KIF14: variants seen among roughly 807,000 people sequenced by gnomAD.
KIF14 encodes kinesin family member 14, also known as kinesin-like protein KIF14.
In KIF14, 98 loss-of-function variants were observed where a neutral mutation model predicts 176.2. That is an observed-to-expected ratio of 0.56 (90% CI 0.47 to 0.66). The LOEUF (loss-of-function observed/expected upper bound fraction) is 0.66, where lower values mean the gene tolerates loss of function less well. KIF14 is among the 30% of genes least tolerant of loss of function. The pLI is 0.00. For missense variants in KIF14, 1,751 were observed against 1,920.4 expected (o/e 0.91, Z 1.65); for synonymous variants, 566 against 632.2 (o/e 0.90, Z 1.57).
At chr1:200,596,554 C>G (rs1448430459) in intron 14 of KIF14, among the ~76,000 whole-genome samples, 1 of 133,206 alleles carries the variant, frequency 7.5e-6, no homozygotes, top group Non-Finnish European at 1.6e-5. Context: ...CCTCAATGTA[C>G]AACAGTCTTT....
At chr1:200,571,881 A>G (rs1657808310) in intron 22 of KIF14, among the ~76,000 whole-genome samples, 1 of 152,228 alleles carries the variant, frequency 6.6e-6, no homozygotes, top group South Asian at 2.1e-4. Context: ...AATGCTTGTC[A>G]TATTCCTTTC....
intron 13 of KIF14, among the ~76,000 whole-genome samples, chr1:200,599,545 AC>A (rs1193262304): frequency 7.2e-5 from 11 of 152,180 alleles, no homozygotes; most frequent in Admixed American, 6.5e-4. Context: ...CTCCCCCACT[AC>A]CAATCACTTG....
In KIF14 at chr1:200,600,348, T is replaced by C. The variant is rs775261681; in HGVS notation, c.2300+8A>G. The C allele has an allele frequency of 6.2e-7, 1 of 1,612,576 alleles. No individual in the cohort carries two copies. Among genetic ancestry groups the C allele is most frequent in the Non-Finnish European group, 8.5e-7 (1 of 1,178,658 alleles). ...CACTTAACATTTAGAGTACTGACTGTACTCTACCTTTGCATTTCTGCCATG... is the reference window on the plus strand; with the variant it reads ...CACTTAACATTTAGAGTACTGACTGCACTCTACCTTTGCATTTCTGCCATG... On this transcript the variant is annotated splice_region_variant and intron_variant, in intron 12 of 29. Transcript: ENST00000367350.
chr1:200,565,241 T>C lies in KIF14; in HGVS notation c.3899A>G (p.Asp1300Gly). ...AATAGTAAGTGACTGGATTGCTCGA[T>C]CAGAAGAAAACACTTTGAAAGAAGA... ...EESQDNLFSS[D>G]RAIQSLTIQT... Residue 1300 changes from aspartate to glycine, a missense_variant, in exon 25 of 30, where the codon GAT becomes GGT. Transcript: ENST00000367350. The C allele has an allele frequency of 6.3e-7, 1 of 1,597,080 alleles. No homozygotes were observed. The highest frequency in any genetic ancestry group is 1.4e-5 in the African/African-American group (1 of 74,066).
chr1:200,581,812 G>A (rs1023940727), intron 19 of KIF14, among the ~76,000 whole-genome samples: 11 of 139,892 alleles, frequency 7.9e-5, no homozygotes, highest in Non-Finnish European at 1.7e-4. Flanking sequence ...GGTTGCCTAG[G>A]CTATATAGTA....
At chr1:200,604,005 A>G (rs1434022387) in intron 8 of KIF14, 50 bp from the exon 9 acceptor site, 1 of 1,116,480 alleles carries the variant, frequency 9.0e-7, no homozygotes, top group Admixed American at 1.7e-5. Context: ...CTTCCAATCA[A>G]TATAGGTTTT....
rs1245427452 is a variant in KIF14, at chr1:200,552,918, TA to T, written c.*469del. On this transcript the variant is annotated 3_prime_UTR_variant, in exon 30 of 30. Transcript: ENST00000367350. The stretch of plus-strand genomic sequence containing the variant: ...ACACTTTAAAGATAAAAATATATTT[TA>T]TTTATTTATTTATTTATTTATTTAT... 6 of 4,264 alleles carry T rather than the reference TA, an allele frequency of 1.4e-3. No individual in the cohort carries two copies. The highest frequency in any genetic ancestry group is 2.5e-3 in the Non-Finnish European group (5 of 1,976). The allele number at this position is 4,264 out of a possible 1,614,324, so 0.3% of individuals were successfully genotyped here.
At chr1:200,604,017 T>C (rs1468725613) in intron 8 of KIF14, 62 bp from the exon 9 acceptor site, 2 of 1,005,250 alleles carry the variant, frequency 2.0e-6, no homozygotes, top group African/African-American at 3.2e-5. Flanking sequence ...ATAGGTTTTT[T>C]TAAAGGGAAA....
intron 13 of KIF14, among the ~76,000 whole-genome samples, chr1:200,599,336 G>A (rs1306724259): frequency 3.3e-5 from 5 of 152,034 alleles, no homozygotes; most frequent in Non-Finnish European, 5.9e-5. Context: ...ACTGATCTAC[G>A]TACCCTTTCT....
chr1:200,604,305 T>C (rs1191706982), intron 8 of KIF14, among the ~76,000 whole-genome samples: 1 of 152,162 alleles, frequency 6.6e-6, no homozygotes, highest in Non-Finnish European at 1.5e-5. Context: ...TGAGCTCAAG[T>C]GATCCTCCTG....
At chr1:200,588,564 C>T (rs1658881629) in intron 18 of KIF14, among the ~76,000 whole-genome samples, 1 of 152,068 alleles carries the variant, frequency 6.6e-6, no homozygotes, top group Non-Finnish European at 1.5e-5. Context: ...CTAACATGTT[C>T]CCAAGGTGAT....
intron 21 of KIF14, among the ~76,000 whole-genome samples, chr1:200,577,265 A>C (rs542587790): frequency 6.6e-6 from 1 of 152,270 alleles, no homozygotes; most frequent in Non-Finnish European, 1.5e-5. Flanking sequence ...TGAAGGTTGC[A>C]GTGAGCCAAG....
chr1:200,557,402 G>A (rs1656892715), intron 27 of KIF14, among the ~76,000 whole-genome samples: 1 of 152,148 alleles, frequency 6.6e-6, no homozygotes, highest in Admixed American at 6.5e-5. Context: ...CTTAAGATTT[G>A]CCAGGCACTA....
intron 4 of KIF14, among the ~76,000 whole-genome samples, chr1:200,609,807 C>A (rs1660064149): frequency 6.6e-6 from 1 of 152,210 alleles, no homozygotes; most frequent in Non-Finnish European, 1.5e-5. Flanking sequence ...TGTCCATCAA[C>A]TGATGAATGG....
intron 22 of KIF14, among the ~76,000 whole-genome samples, chr1:200,573,431 T>C (rs898338862): frequency 1.4e-4 from 5 of 35,214 alleles, no homozygotes; most frequent in Non-Finnish European, 2.8e-4. Context: ...TCATTTCTTT[T>C]TTTTTTTTTT....
chr1:200,568,663 C>G (rs1657602145), intron 23 of KIF14, among the ~76,000 whole-genome samples: 1 of 152,214 alleles, frequency 6.6e-6, no homozygotes. Flanking sequence ...CCCATCCCAA[C>G]AGGTTTCCTC....
chr1:200,619,925 CT>C (rs1287285830), intron 1 of KIF14, among the ~76,000 whole-genome samples: 1 of 152,208 alleles, frequency 6.6e-6, no homozygotes, highest in Non-Finnish European at 1.5e-5. Context: ...AGAGACCTGG[CT>C]TTTAGTCAGC....
intron 2 of KIF14, among the ~76,000 whole-genome samples, chr1:200,616,964 T>A (rs544864781): frequency 3.9e-5 from 6 of 152,194 alleles, no homozygotes; most frequent in African/African-American, 1.4e-4. Flanking sequence ...GAACCAGTAA[T>A]TTGTTATGGC....
rs773980055 is a variant in KIF14, at chr1:200,553,348, T to C, written c.*40A>G. On this transcript the variant is annotated 3_prime_UTR_variant, in exon 30 of 30. Transcript: ENST00000367350. ...AAAATTACCGAGCAAGTGTTCTTTTTCTTTCATGGGTGGTCATAAAAGTGC... is the reference window on the plus strand; with the variant it reads ...AAAATTACCGAGCAAGTGTTCTTTTCCTTTCATGGGTGGTCATAAAAGTGC... The C allele has an allele frequency of 2.0e-6, 3 of 1,523,502 alleles. No homozygotes were observed. The highest frequency in any genetic ancestry group is 2.8e-5 in the African/African-American group (2 of 71,626). 94.4% of individuals were successfully genotyped at this position (1,523,502 alleles called of 1,614,324 possible).
Sources: gnomAD v4.1 joint callset for allele counts (sites outside exome capture counted in the v4.1 genomes callset) on GRCh38, gnomAD v4.1.1 for gene constraint, MANE v1.5 for transcripts, NCBI Gene and HGNC (gene_info 2026-07-23, HGNC 2026-07-21) for gene names.